The following PCDHGA7 variants were observed in gnomAD, a reference collection of about 807,000 sequenced individuals.
PCDHGA7 encodes the protein protocadherin gamma subfamily A, 7, also known as protocadherin gamma-A7.
Under a neutral mutation model 58.3 loss-of-function variants are expected in PCDHGA7, and 44 were observed. That is an observed-to-expected ratio of 0.75 (90% CI 0.59 to 0.97). The LOEUF is 0.97. Among genes scored for constraint, PCDHGA7 ranks in the 50% least tolerant of loss-of-function variants. The probability of loss-of-function intolerance (pLI) is 0.00; values close to 1 mark genes in which losing one functional copy is unlikely to be tolerated. For synonymous variants in PCDHGA7, 516 were observed against 504.2 expected (o/e 1.02, Z -0.31); for missense variants, 1,266 against 1,188.7 (o/e 1.06, Z -0.96).
At chr5:141,482,343 A>G (rs1016179369) in intron 1 of PCDHGA7, among the ~76,000 whole-genome samples, 3 of 152,126 alleles carry the variant, frequency 2.0e-5, no homozygotes, top group Non-Finnish European at 2.9e-5. Flanking sequence ...TACTTTGCAA[A>G]CTTGTTGTGA....
Position 141,490,965 on chromosome 5 carries a change from C to G in PCDHGA7, c.2425-3842C>G. On this transcript the variant is annotated intron_variant, in intron 1 of 3. Coordinates refer to ENST00000518325, the MANE Select transcript of PCDHGA7 (RefSeq NM_018920.4). This position sits in a 1 kb window ranked among gnomAD's most constrained non-coding sequence, Gnocchi z 5.4. ...CACGGCCAGACTGGGAACACTCAGC[C>G]CCCCAGCGTCTCCCTCGCTCTGCTC... is the stretch of plus-strand genomic sequence containing the variant. 5 of 1,613,856 alleles carry G rather than the reference C, an allele frequency of 3.1e-6. No homozygotes were observed. The highest frequency in any genetic ancestry group is 3.3e-4 in the Middle Eastern group (2 of 6,062).
intron 1 of PCDHGA7, chr5:141,398,010 G>A: frequency 7.1e-7 from 1 of 1,408,980 alleles, no homozygotes; most frequent in South Asian, 1.5e-5. Context: ...AAAAAGAATC[G>A]TTTCCTAAAC....
At chr5:141,416,722 A>C (rs891558095) in intron 1 of PCDHGA7, 3 of 152,258 alleles carry the variant, frequency 2.0e-5, no homozygotes, top group African/African-American at 7.2e-5. Context: ...TGATGAGTTC[A>C]TTTAGTTCAA....
At chr5:141,419,394 G>A (rs778450240) in intron 1 of PCDHGA7, 2 of 1,613,612 alleles carry the variant, frequency 1.2e-6, no homozygotes, top group East Asian at 2.2e-5. Flanking sequence ...GCGCAGAGCG[G>A]GGTGGTGTTC....
intron 1 of PCDHGA7, chr5:141,492,069 C>A (rs1595083522): frequency 2.1e-6 from 1 of 475,880 alleles, no homozygotes; most frequent in East Asian, 3.3e-5. Context: ...GCCTCCTAGG[C>A]GCCGGCTCCG....
intron 1 of PCDHGA7, chr5:141,390,223 G>A (rs137959577): frequency 3.7e-6 from 6 of 1,614,020 alleles, no homozygotes; most frequent in East Asian, 2.2e-5. Context: ...ATACTTTGCG[G>A]TGATTCATCT....
intron 1 of PCDHGA7, chr5:141,409,865 C>A: frequency 6.2e-7 from 1 of 1,612,574 alleles, no homozygotes; most frequent in Non-Finnish European, 8.5e-7. Flanking sequence ...GGTGGGAGAC[C>A]GCAATGACAA....
intron 1 of PCDHGA7, chr5:141,427,980 G>A (rs1398178738): frequency 6.3e-7 from 1 of 1,596,206 alleles, no homozygotes. Context: ...CCCCGCGCTG[G>A]GGCCCGATGG....
intron 1 of PCDHGA7, chr5:141,402,985 A>G: frequency 6.2e-7 from 1 of 1,609,390 alleles, no homozygotes; most frequent in Non-Finnish European, 8.5e-7. Context: ...AGCTCCGCGG[A>G]AGATTAGTCC....
intron 1 of PCDHGA7, chr5:141,478,477 C>T: frequency 6.2e-7 from 1 of 1,613,796 alleles, no homozygotes; most frequent in Non-Finnish European, 8.5e-7. Flanking sequence ...GCCGCCAGAA[C>T]ACGCTGCGGA....
rs775705715 is a variant in PCDHGA7 at position 141,422,475 on chromosome 5, C to T, written c.2424+37152C>T. ...GCAGAGTGCTGGACAGGGAGTTGGT[C>T]CAGAGCTACAATATAACGTTGACAG... On this transcript the variant is annotated intron_variant, in intron 1 of 3. Coordinates refer to ENST00000518325, the MANE Select transcript of PCDHGA7 (RefSeq NM_018920.4). The T allele has an allele frequency of 7.4e-6, 12 of 1,613,672 alleles. No individual in the cohort carries two copies. The East Asian group carries it at 2.0e-4, about 27-fold the overall frequency.
intron 1 of PCDHGA7, chr5:141,403,610 C>T: frequency 6.2e-7 from 1 of 1,613,860 alleles, no homozygotes; most frequent in Non-Finnish European, 8.5e-7. Context: ...TGGCGGCGAG[C>T]CGCGTCGCTC....
At chr5:141,389,173 T>C (rs1339910343) in intron 1 of PCDHGA7, 15 of 1,613,844 alleles carry the variant, frequency 9.3e-6, no homozygotes, top group Non-Finnish European at 1.2e-5. Context: ...AAGCCTCCCC[T>C]CTCCTCCAGT....
At chr5:141,398,700 C>T in intron 1 of PCDHGA7, 1 of 1,613,844 alleles carries the variant, frequency 6.2e-7, no homozygotes, top group Non-Finnish European at 8.5e-7. Context: ...GTAGTAAATA[C>T]CCGGAACTGG....
In PCDHGA7 at chr5:141,476,857, C is replaced by G. The variant is rs201408987; in HGVS notation, c.2425-17950C>G. The G allele has an allele frequency of 3.1e-6, 5 of 1,613,886 alleles. No individual in the cohort carries two copies. Among genetic ancestry groups the G allele is most frequent in the Non-Finnish European group, 4.2e-6 (5 of 1,180,046 alleles). On this transcript the variant is annotated intron_variant, in intron 1 of 3. Coordinates refer to ENST00000518325, the MANE Select transcript of PCDHGA7 (RefSeq NM_018920.4). This position sits in a 1 kb window ranked among gnomAD's most constrained non-coding sequence, Gnocchi z 7.6. Reference sequence around the variant, plus strand: ...ACAATGCGCCTGTCTTCAACCAGTCCTTGTACCGGGCGCGCGTCCTGGAGG... The same window carrying G: ...ACAATGCGCCTGTCTTCAACCAGTCGTTGTACCGGGCGCGCGTCCTGGAGG...
chr5:141,511,233 TACCTGC>T lies in PCDHGA7; in HGVS notation c.*64_*69del. 4 of 1,595,428 alleles carry T rather than the reference TACCTGC, an allele frequency of 2.5e-6. No individual in the cohort carries two copies. The highest frequency in any genetic ancestry group is 3.4e-6 in the Non-Finnish European group (4 of 1,170,894). ...CTCCCCAACCAGCCCAGCTTCTCCT[TACCTGC>T]ACCCAGGCCTCAGAGTTTCAGGGCT... On this transcript the variant is annotated 3_prime_UTR_variant, in exon 4 of 4. Transcript: ENST00000518325.
At chr5:141,419,299 C>T in intron 1 of PCDHGA7, 12 of 1,614,048 alleles carry the variant, frequency 7.4e-6, no homozygotes, top group Non-Finnish European at 1.0e-5. Flanking sequence ...CTGACCCAGA[C>T]TTCGGGCTCA....
chr5:141,388,706 T>C (rs1189291267), intron 1 of PCDHGA7: 2 of 1,613,856 alleles, frequency 1.2e-6, no homozygotes, highest in African/African-American at 2.7e-5. Flanking sequence ...AGGGTGTCAA[T>C]GCCGAGATTA....
At chr5:141,433,358 CCTATCTATCTATCTATCTAT>C (rs3074541) in intron 1 of PCDHGA7, 19 of 503,934 alleles carry the variant, frequency 3.8e-5, no homozygotes, top group South Asian at 2.3e-4. Flanking sequence ...CTACTGTCTG[CCTATCTATCTATCTATCTAT>C]CTATCTATCT....
Sources: gnomAD v4.1 joint callset for allele counts (sites outside exome capture counted in the v4.1 genomes callset) on GRCh38, gnomAD v4.1.1 for gene constraint, Gnocchi (gnomAD v3.1) non-coding constraint, MANE v1.5 for transcripts, NCBI Gene and HGNC (gene_info 2026-07-23, HGNC 2026-07-21) for gene names.